Variants in ITPR2 observed in about 807,000 individuals in gnomAD.
The protein encoded by ITPR2 is inositol 1,4,5-trisphosphate-gated calcium channel ITPR2.
Under a neutral mutation model 317.1 loss-of-function variants are expected in ITPR2, and 207 were observed. The ratio of observed to expected loss-of-function variants is 0.65; its 90% CI spans 0.58 to 0.73. The LOEUF (loss-of-function observed/expected upper bound fraction) is 0.73, where lower values mean the gene tolerates loss of function less well. ITPR2 is among the 30% of genes least tolerant of loss of function. The pLI, the probability that ITPR2 is intolerant of heterozygous loss-of-function variation, is 0.00. For missense variants in ITPR2, 2,613 were observed against 3,284.0 expected (o/e 0.80, Z 4.99); for synonymous variants, 1,156 against 1,149.1 (o/e 1.01, Z -0.12).
At position 26,479,160 on chromosome 12, in the gene ITPR2, C is replaced by T. The variant is rs1301327680; in HGVS notation, c.6123+1971G>A. ...ATTCACTAAGAAAAAAAAAAAAAAA[C>T]TATACTTTAAATATTTCAAGCCAAA... On this transcript the variant is annotated intron_variant, in intron 43 of 56. Transcript: ENST00000381340. Among the ~76,000 whole-genome samples the T allele has an allele frequency of 7.2e-5, 10 of 139,334 alleles. No homozygotes were observed. In the Admixed American group the frequency reaches 7.2e-4, roughly 10 times the overall value. The allele number at this position is 139,334 out of a possible 152,430, so 91.4% of individuals were successfully genotyped here. A position where few individuals can be genotyped will look rare whatever the true frequency, so the allele number is the denominator to read the frequency against.
At chr12:26,617,833 C>T (rs1946406805) in intron 26 of ITPR2, among the ~76,000 whole-genome samples, 1 of 151,558 alleles carries the variant, frequency 6.6e-6, no homozygotes, top group South Asian at 2.1e-4. Context: ...AAATTACAGG[C>T]TAATTTCACT....
chr12:26,691,746 T>C (rs1166103662), intron 10 of ITPR2, among the ~76,000 whole-genome samples: 1 of 152,004 alleles, frequency 6.6e-6, no homozygotes, highest in Non-Finnish European at 1.5e-5. Flanking sequence ...AGACATCACG[T>C]TGCAATTCTG....
At chr12:26,355,973 T>C (rs879570675) in intron 55 of ITPR2, among the ~76,000 whole-genome samples, 2 of 152,192 alleles carry the variant, frequency 1.3e-5, no homozygotes, top group Admixed American at 6.5e-5. Flanking sequence ...CATTCTTCAC[T>C]AGATTTTTCA....
At chr12:26,701,554 G>T (rs7310913) in intron 9 of ITPR2, among the ~76,000 whole-genome samples, 96,221 of 151,934 alleles carry the variant, frequency 0.63, 31,132 homozygotes, top group Non-Finnish European at 0.7. Flanking sequence ...CATTTTATTC[G>T]TATGTATAGG....
chr12:26,424,596 T>TTTG (rs1555123896), intron 49 of ITPR2, among the ~76,000 whole-genome samples: 1 of 137,626 alleles, frequency 7.3e-6, no homozygotes, highest in Admixed American at 7.2e-5. Flanking sequence ...GTTTTTTTTT[T>TTTG]TTTTTTTTTT....
At position 26,481,259 on chromosome 12, in the gene ITPR2, T is replaced by C; in HGVS notation, c.6013-18A>G. 1 of 1,370,320 alleles carries C rather than the reference T, an allele frequency of 7.3e-7. No homozygotes were observed. Among genetic ancestry groups the C allele is most frequent in the Non-Finnish European group, 1.0e-6 (1 of 960,652 alleles). 84.9% of individuals were successfully genotyped at this position (1,370,320 alleles called of 1,614,324 possible). The stretch of plus-strand genomic sequence containing the variant: ...ATACAGGTCTAGAAAACAAAATATT[T>C]GTAAAATATCATTTTATTCACAACA... On this transcript the variant is annotated intron_variant, in intron 42 of 56. Transcript: ENST00000381340.
intron 9 of ITPR2, among the ~76,000 whole-genome samples, chr12:26,710,317 TA>T (rs1215120161): frequency 6.6e-6 from 1 of 152,198 alleles, no homozygotes. Flanking sequence ...TCTAATAAGT[TA>T]AGAGAATTAG....
chr12:26,831,130 T>C lies in ITPR2; in HGVS notation c.92+1560A>G, dbSNP rs1366037940. On this transcript the variant is annotated intron_variant, in intron 1 of 56. Transcript: ENST00000381340. This position sits in a 1 kb window ranked among gnomAD's most constrained non-coding sequence, Gnocchi z 4.9. ...GCAGCAGAGTCCACCTGCAAAATGT[T>C]GCTGGAGGCCCAGAAACTGAACTTG... Among the ~76,000 whole-genome samples, 2 of 152,214 alleles carry C rather than the reference T, an allele frequency of 1.3e-5. No individual in the cohort carries two copies. The highest frequency in any genetic ancestry group is 2.9e-5 in the Non-Finnish European group (2 of 68,038).
Position 26,439,267 on chromosome 12 carries a change from A to G in ITPR2, c.6503T>C (p.Ile2168Thr), listed in dbSNP as rs774727546. 1 of 1,611,932 alleles carries G rather than the reference A, an allele frequency of 6.2e-7. No homozygotes were observed. The stretch of plus-strand genomic sequence containing the variant: ...GGATTCTCGAGTGAGGTATTCACAT[A>G]TATTGGGGACAGGAAAAACTATTTG... ...MEQIVFPVPN[I>T]CEYLTRESKC... Residue 2168 changes from isoleucine to threonine, a missense_variant, in exon 47 of 57, where the codon ATA becomes ACA. By Grantham distance (89) the Ile-to-Thr change is moderately conservative. Transcript: ENST00000381340.
intron 5 of ITPR2, 100 bp from the exon 6 acceptor site, chr12:26,716,342 G>A: frequency 1.5e-6 from 1 of 684,154 alleles, no homozygotes. Context: ...TTATTGATCT[G>A]ACATCTGGTC....
chr12:26,440,997 T>C (rs767649056), intron 46 of ITPR2, among the ~76,000 whole-genome samples: 2 of 152,070 alleles, frequency 1.3e-5, no homozygotes, highest in African/African-American at 2.4e-5. Context: ...GTGAGGCATG[T>C]TGGAGAAAAA....
chr12:26,496,329 T>C (rs1565561175), intron 37 of ITPR2, among the ~76,000 whole-genome samples: 1 of 152,218 alleles, frequency 6.6e-6, no homozygotes, highest in Non-Finnish European at 1.5e-5. Context: ...GCACCCAACC[T>C]TCATGCTGTG....
At chr12:26,468,230 G>A (rs1942216784) in intron 45 of ITPR2, among the ~76,000 whole-genome samples, 1 of 148,696 alleles carries the variant, frequency 6.7e-6, no homozygotes, top group African/African-American at 2.4e-5. Flanking sequence ...ACAACAGAAG[G>A]AGATATTCTA....
chr12:26,723,302 C>A (rs994535651), intron 4 of ITPR2, among the ~76,000 whole-genome samples: 2 of 151,898 alleles, frequency 1.3e-5, no homozygotes, highest in Non-Finnish European at 2.9e-5. Context: ...GAAAAAAAAT[C>A]AGCATTTTAA....
chr12:26,398,802 TA>T, intron 54 of ITPR2, 73 bp downstream of exon 54: 1 of 1,303,342 alleles, frequency 7.7e-7, no homozygotes, highest in Non-Finnish European at 1.1e-6. Flanking sequence ...GCATGAAAAA[TA>T]AAAATCCCTC....
chr12:26,806,146 A>T (rs1217121956), intron 1 of ITPR2, among the ~76,000 whole-genome samples: 2 of 152,216 alleles, frequency 1.3e-5, no homozygotes, highest in African/African-American at 4.8e-5. Flanking sequence ...GAGGAGATAC[A>T]AACAGTTGCT....
chr12:26,478,123 T>C (rs766228779), intron 43 of ITPR2, among the ~76,000 whole-genome samples: 14 of 152,148 alleles, frequency 9.2e-5, no homozygotes, highest in Non-Finnish European at 1.6e-4. Context: ...TTAATTCTCC[T>C]GGGTAGTTTT....
chr12:26,349,397 A>C (rs1938410153), intron 55 of ITPR2, among the ~76,000 whole-genome samples: 1 of 152,164 alleles, frequency 6.6e-6, no homozygotes, highest in Non-Finnish European at 1.5e-5. Flanking sequence ...ATTCCTGTAA[A>C]TGTGGTGCAG....
At position 26,832,882 on chromosome 12, in the gene ITPR2, C is replaced by T; in HGVS notation, c.-101G>A. 2 of 910,448 alleles carry T rather than the reference C, an allele frequency of 2.2e-6. No homozygotes were observed. Among genetic ancestry groups the T allele is most frequent in the East Asian group, 2.9e-5 (1 of 34,254 alleles). 56.4% of individuals were successfully genotyped at this position (910,448 alleles called of 1,614,324 possible). On this transcript the variant is annotated 5_prime_UTR_variant, in exon 1 of 57. Coordinates refer to ENST00000381340, the MANE Select transcript of ITPR2 (RefSeq NM_002223.4). Reference sequence around the variant, plus strand: ...GGCAGAAGCGGATCGGATCGCGGGACTACAGCGGCCAAGAGCCGCGGCGGA... The same window carrying T: ...GGCAGAAGCGGATCGGATCGCGGGATTACAGCGGCCAAGAGCCGCGGCGGA...
Sources: allele counts gnomAD v4.1 joint callset (sites outside exome capture counted in the v4.1 genomes callset), GRCh38; gene constraint gnomAD v4.1.1; non-coding constraint Gnocchi (gnomAD v3.1); transcripts MANE v1.5; gene names NCBI Gene and HGNC (gene_info 2026-07-23, HGNC 2026-07-21).